DENND2B: variants seen among roughly 807,000 people sequenced by gnomAD.
DENND2B encodes the protein DENN domain-containing protein 2B.
In DENND2B, 32 loss-of-function variants were observed where a neutral mutation model predicts 116.0. That is an observed-to-expected ratio of 0.28 (90% CI 0.21 to 0.37). The LOEUF (loss-of-function observed/expected upper bound fraction) is 0.37, where lower values mean the gene tolerates loss of function less well. DENND2B is among the 10% of genes least tolerant of loss of function. The probability of loss-of-function intolerance (pLI) is 1.00; values close to 1 mark genes in which losing one functional copy is unlikely to be tolerated. For synonymous variants in DENND2B, 588 were observed against 583.9 expected (o/e 1.01, Z -0.10); for missense variants, 1,276 against 1,477.7 (o/e 0.86, Z 2.24).
chr11:8,891,394 T>C (rs2064031052), intron 1 of DENND2B, among the ~76,000 whole-genome samples: 2 of 152,142 alleles, frequency 1.3e-5, no homozygotes, highest in Non-Finnish European at 2.9e-5. Flanking sequence ...ATAACAATAT[T>C]AACTTTAAAT....
chr11:8,707,159 G>C lies in DENND2B; in HGVS notation c.2497C>G (p.Leu833Val), dbSNP rs2042745322. 1 of 1,613,620 alleles carries C rather than the reference G, an allele frequency of 6.2e-7. No homozygotes were observed. The highest frequency in any genetic ancestry group is 1.3e-5 in the African/African-American group (1 of 74,922). Residue 833 changes from leucine (L) to valine (V), a missense_variant, in exon 13 of 20, where the codon CTC becomes GTC. Leu to Val is a conservative substitution (Grantham distance 32). Around this residue, in one of 2 missense-constraint regions of DENND2B, gnomAD observed 420 missense variants for 631.1 expected, o/e 0.67. Coordinates refer to ENST00000313726, the MANE Select transcript of DENND2B (RefSeq NM_213618.2). This position sits in a 1 kb window ranked among gnomAD's most constrained non-coding sequence, Gnocchi z 4.8. ...GGGGCTGGGAAGGGCGACTCCATGA[G>C]ACTTCTCATGAAAGGATAGACCAAT... is the stretch of plus-strand genomic sequence containing the variant. Reference protein sequence around the residue: ...AALVYPFMRSLMESPFPAPGK... With the variant: ...AALVYPFMRSVMESPFPAPGK...
At chr11:8,845,759 CT>C (rs1366832023) in intron 3 of DENND2B, among the ~76,000 whole-genome samples, 6 of 152,308 alleles carry the variant, frequency 3.9e-5, no homozygotes, top group Non-Finnish European at 5.9e-5. Flanking sequence ...AAAATATACC[CT>C]GTCTGAAGAC....
chr11:8,818,303 T>TAG (rs1043279696), intron 4 of DENND2B, among the ~76,000 whole-genome samples: 11 of 151,502 alleles, frequency 7.3e-5, no homozygotes, highest in Admixed American at 2.6e-4. Flanking sequence ...CAAGCTTAGC[T>TAG]AGCTCAGAAC....
At chr11:8,836,116 G>C (rs1203879948) in intron 4 of DENND2B, among the ~76,000 whole-genome samples, 2 of 150,692 alleles carry the variant, frequency 1.3e-5, no homozygotes, top group African/African-American at 2.4e-5. Flanking sequence ...GGGAGGCCGA[G>C]GTTGGTGGAT....
intron 4 of DENND2B, among the ~76,000 whole-genome samples, chr11:8,821,842 A>G (rs1270880132): frequency 1.3e-5 from 2 of 152,002 alleles, no homozygotes; most frequent in African/African-American, 2.4e-5. Flanking sequence ...CCCAGGCTGG[A>G]GTGGAGTGGC....
At chr11:8,700,068 G>A (rs994081102) in intron 14 of DENND2B, 16 of 452,352 alleles carry the variant, frequency 3.5e-5, no homozygotes, top group Middle Eastern at 3.3e-4. Flanking sequence ...CTGGCCTGGG[G>A]GGGGGCAGGG....
chr11:8,795,581 G>A (rs1439413252), intron 1 of DENND2B, among the ~76,000 whole-genome samples: 1 of 152,106 alleles, frequency 6.6e-6, no homozygotes, highest in African/African-American at 2.4e-5. Flanking sequence ...CCCACCCTGA[G>A]ACTTCCCTTA....
chr11:8,699,243 G>A lies in DENND2B; in HGVS notation c.2868C>T (p.Leu956=). Residue 956 remains leucine, a synonymous_variant, in exon 15 of 20, where the codon CTC becomes CTT. Transcript: ENST00000313726. ...PFLVGLLSSS[L]PKLKELPVEE... Reference sequence around the variant, plus strand: ...CCACAGGCAGCTCCTTCAGTTTGGGGAGGGAGCTGGAGAGCAGGCCAACCA... The same window carrying A: ...CCACAGGCAGCTCCTTCAGTTTGGGAAGGGAGCTGGAGAGCAGGCCAACCA... 1 of 1,580,592 alleles carries A rather than the reference G, an allele frequency of 6.3e-7. No homozygotes were observed. The highest frequency in any genetic ancestry group is 8.6e-7 in the Non-Finnish European group (1 of 1,168,748).
intron 1 of DENND2B, among the ~76,000 whole-genome samples, chr11:8,805,266 C>T (rs954895459): frequency 3.9e-5 from 6 of 152,170 alleles, no homozygotes; most frequent in African/African-American, 9.7e-5. Flanking sequence ...GGCAGCACCA[C>T]GCACTCACTG....
chr11:8,866,540 A>T (rs929955219), intron 2 of DENND2B, among the ~76,000 whole-genome samples: 1 of 152,218 alleles, frequency 6.6e-6, no homozygotes. Flanking sequence ...GAATGACCAC[A>T]TAACCTATAA....
At chr11:8,703,459 G>A (rs556170324) in intron 13 of DENND2B, 29 of 152,588 alleles carry the variant, frequency 1.9e-4, no homozygotes, top group African/African-American at 6.0e-4. Context: ...GGGAGTCACA[G>A]GGGTGGAAGG....
At chr11:8,852,194 G>A (rs74054218) in intron 3 of DENND2B, among the ~76,000 whole-genome samples, 2,631 of 152,254 alleles carry the variant, frequency 0.017, 81 homozygotes, top group African/African-American at 0.057. Context: ...ATGCAATTTC[G>A]GCGTGGCAGA....
intron 17 of DENND2B, among the ~76,000 whole-genome samples, chr11:8,697,262 TCTC>T (rs769571565): frequency 6.6e-6 from 1 of 152,252 alleles, no homozygotes; most frequent in Non-Finnish European, 1.5e-5. Context: ...GTGCCTTTCA[TCTC>T]CTGCAATGGC....
chr11:8,759,615 G>A (rs2054228406), intron 1 of DENND2B, among the ~76,000 whole-genome samples: 1 of 152,202 alleles, frequency 6.6e-6, no homozygotes, highest in Non-Finnish European at 1.5e-5. Context: ...CAGAGCTCTT[G>A]TGTGTGTTCT....
intron 1 of DENND2B, among the ~76,000 whole-genome samples, chr11:8,790,545 G>A (rs1169388542): frequency 6.6e-6 from 1 of 152,112 alleles, no homozygotes. Context: ...GAGGTAAGAG[G>A]ATCACTTGAG....
At chr11:8,815,268 G>A (rs897471250), upstream of DENND2B, among the ~76,000 whole-genome samples, 13 of 152,052 alleles carry the variant, frequency 8.5e-5, no homozygotes, top group African/African-American at 3.1e-4. Flanking sequence ...ATTTGGAGAT[G>A]GTTGTAAAAA....
chr11:8,790,162 C>G (rs1282367264), intron 1 of DENND2B, among the ~76,000 whole-genome samples: 3 of 152,152 alleles, frequency 2.0e-5, no homozygotes, highest in Non-Finnish European at 4.4e-5. Context: ...CCCTCCCTGC[C>G]CTGTCTCCTT....
chr11:8,761,417 T>G (rs1471642830), intron 1 of DENND2B, among the ~76,000 whole-genome samples: 2 of 152,174 alleles, frequency 1.3e-5, no homozygotes, highest in East Asian at 3.8e-4. Flanking sequence ...CTGCCCTCTT[T>G]CGCTCTGGCA....
rs1393421029 is a variant in DENND2B, at chr11:8,702,522, G to T, written c.2720+50C>A. 1 of 1,603,526 alleles carries T rather than the reference G, an allele frequency of 6.2e-7. No homozygotes were observed. Among genetic ancestry groups the T allele is most frequent in the African/African-American group, 1.3e-5 (1 of 74,852 alleles). On this transcript the variant is annotated intron_variant, in intron 14 of 19. Coordinates refer to ENST00000313726, the MANE Select transcript of DENND2B (RefSeq NM_213618.2). The surrounding 1 kb of genome is among the most constrained non-coding windows in gnomAD (Gnocchi z 4.6). ...CCTGAACACTTGCTGATTCGCTTGTGGGTGTGCCTTCCCCCCTCCCTTCTG... is the reference window on the plus strand; with the variant it reads ...CCTGAACACTTGCTGATTCGCTTGTTGGTGTGCCTTCCCCCCTCCCTTCTG...
Sources: allele counts gnomAD v4.1 joint callset (sites outside exome capture counted in the v4.1 genomes callset), GRCh38; gene constraint gnomAD v4.1.1; regional missense constraint gnomAD v4.1.1; non-coding constraint Gnocchi (gnomAD v3.1); transcripts MANE v1.5; gene names NCBI Gene and HGNC (gene_info 2026-07-23, HGNC 2026-07-21).